The following SUMF1 variants were observed in gnomAD, a reference collection of about 807,000 sequenced individuals.
SUMF1 encodes the protein formylglycine-generating enzyme.
A neutral mutation model predicts 47.6 loss-of-function variants in SUMF1; 48 were observed. The observed-to-expected ratio is 1.01, with a 90% confidence interval of 0.80 to 1.28. The LOEUF is 1.28. SUMF1 is among the 50% of genes most tolerant of loss of function. The pLI is 0.00. For missense variants in SUMF1, 571 were observed against 485.4 expected (o/e 1.18, Z -1.66); for synonymous variants, 230 against 192.1 (o/e 1.20, Z -1.63).
chr3:4,170,763 C>A (rs115667607), intron 8 of SUMF1, among the ~76,000 whole-genome samples: 2,808 of 152,186 alleles, frequency 0.018, 78 homozygotes, highest in African/African-American at 0.064. Context: ...GATGATGGAA[C>A]AGTTGGATAT....
chr3:4,042,848 C>T (rs1694933900), intron 9 of SUMF1, among the ~76,000 whole-genome samples: 3 of 152,078 alleles, frequency 2.0e-5, no homozygotes, highest in Admixed American at 6.6e-5. Flanking sequence ...AGGCTATTTG[C>T]TTAAAGTCCC....
intron 8 of SUMF1, among the ~76,000 whole-genome samples, chr3:4,272,325 A>G (rs758965625): frequency 3.2e-4 from 48 of 152,204 alleles, no homozygotes; most frequent in Admixed American, 5.2e-4. Context: ...GGTTCCAACA[A>G]GGGCTTTAAT....
intron 8 of SUMF1, among the ~76,000 whole-genome samples, chr3:4,235,193 C>G (rs1326259905): frequency 6.6e-6 from 1 of 152,032 alleles, no homozygotes; most frequent in Non-Finnish European, 1.5e-5. Flanking sequence ...AAAGCATCAA[C>G]AGAACTTTAT....
In SUMF1 at chr3:4,152,883, AT is replaced by A. The variant is rs1185625637; in HGVS notation, c.1015-84139del. On this transcript the variant is annotated intron_variant and NMD_transcript_variant, in intron 8 of 12. Transcript: ENST00000448413. Reference sequence around the variant, plus strand: ...GACTCATGGATAGACAGAAGAAAACATTTTCAGAATACCTTATACATCCCTA... The same window carrying A: ...GACTCATGGATAGACAGAAGAAAACATTTCAGAATACCTTATACATCCCTA... Among the ~76,000 whole-genome samples, 5 of 151,470 alleles carry A rather than the reference AT, an allele frequency of 3.3e-5. No homozygotes were observed. The East Asian group carries it at 5.8e-4, about 18-fold the overall frequency.
intron 1 of SUMF1, among the ~76,000 whole-genome samples, chr3:4,466,042 A>G (rs555827099): frequency 1.9e-4 from 29 of 152,376 alleles, no homozygotes; most frequent in South Asian, 4.1e-4. Context: ...CTTTAGACCC[A>G]TAAGTTGTTT....
chr3:4,456,637 T>C (rs374298268), intron 1 of SUMF1, among the ~76,000 whole-genome samples: 1 of 126,706 alleles, frequency 7.9e-6, no homozygotes, highest in Non-Finnish European at 1.7e-5. Flanking sequence ...TATATATACG[T>C]GTATATATAT....
At chr3:4,424,641 GAATAC>G (rs1407159658) in intron 3 of SUMF1, among the ~76,000 whole-genome samples, 1 of 152,072 alleles carries the variant, frequency 6.6e-6, no homozygotes, top group Non-Finnish European at 1.5e-5. Flanking sequence ...ATGAAAAAAG[GAATAC>G]TATACGGCTA....
intron 8 of SUMF1, among the ~76,000 whole-genome samples, chr3:4,151,374 T>C (rs917674327): frequency 1.4e-5 from 2 of 146,516 alleles, no homozygotes; most frequent in Non-Finnish European, 3.0e-5. Context: ...TATATATACA[T>C]GTGTGTATAT....
intron 8 of SUMF1, among the ~76,000 whole-genome samples, chr3:4,338,640 G>A (rs369067375): frequency 1.6e-4 from 25 of 152,164 alleles, no homozygotes; most frequent in African/African-American, 6.0e-4. Flanking sequence ...CATTCTCAAA[G>A]AATTCATGGT....
At chr3:4,261,810 A>T (rs755553263) in intron 8 of SUMF1, among the ~76,000 whole-genome samples, 1 of 152,154 alleles carries the variant, frequency 6.6e-6, no homozygotes, top group Non-Finnish European at 1.5e-5. Context: ...AGGCCCCACA[A>T]CTAGTGCCTG....
chr3:4,422,966 G>A (rs566084211), intron 3 of SUMF1, among the ~76,000 whole-genome samples: 18 of 152,096 alleles, frequency 1.2e-4, no homozygotes, highest in South Asian at 1.0e-3. Context: ...CCCAAAGTCC[G>A]TTGTGCCATT....
chr3:4,264,952 T>C (rs1697158813), intron 8 of SUMF1, among the ~76,000 whole-genome samples: 2 of 151,870 alleles, frequency 1.3e-5, no homozygotes, highest in African/African-American at 4.8e-5. Context: ...TGGCCAACAT[T>C]GTGAGACCCT....
chr3:4,277,497 TAAG>T (rs764503598), intron 8 of SUMF1, among the ~76,000 whole-genome samples: 1 of 151,658 alleles, frequency 6.6e-6, no homozygotes, highest in African/African-American at 2.4e-5. Context: ...CCAGACCTAA[TAAG>T]AAGAACAGAG....
In SUMF1 at chr3:4,452,914, A is replaced by G; in HGVS notation, c.406T>C (p.Phe136Leu). The G allele has an allele frequency of 6.2e-7, 1 of 1,614,206 alleles. No homozygotes were observed. Among genetic ancestry groups the G allele is most frequent in the Non-Finnish European group, 8.5e-7 (1 of 1,180,040 alleles). ...MDAYEVSNTE[F>L]EKFVNSTGYL... The stretch of plus-strand genomic sequence containing the variant: ...CCAGTTGAGTTCACAAACTTCTCAA[A>G]TTCAGTATTACTGACTTCATAGGCA... The change falls in exon 2 of 9, where the codon TTT becomes CTT. Residue 136 changes from phenylalanine to leucine, a missense_variant. Phe to Leu is a conservative substitution (Grantham distance 22). Coordinates refer to ENST00000272902, the MANE Select transcript of SUMF1 (RefSeq NM_182760.4).
intron 2 of SUMF1, among the ~76,000 whole-genome samples, chr3:4,451,468 G>A (rs1194574377): frequency 6.6e-6 from 1 of 152,108 alleles, no homozygotes; most frequent in Non-Finnish European, 1.5e-5. Context: ...TAAAAGTAAT[G>A]ACAAAAACCG....
chr3:4,165,319 C>T (rs1330613797), intron 8 of SUMF1, among the ~76,000 whole-genome samples: 3 of 152,090 alleles, frequency 2.0e-5, no homozygotes, highest in East Asian at 3.8e-4. Flanking sequence ...GAGAAGGGGA[C>T]ATATACCCGG....
chr3:4,458,330 G>C (rs993216363), intron 1 of SUMF1, among the ~76,000 whole-genome samples: 1 of 152,120 alleles, frequency 6.6e-6, no homozygotes, highest in African/African-American at 2.4e-5. Context: ...AGGTTCCTCA[G>C]AAATCTGCAA....
At chr3:4,346,454 G>T (rs1369922627) in intron 8 of SUMF1, among the ~76,000 whole-genome samples, 1 of 152,132 alleles carries the variant, frequency 6.6e-6, no homozygotes, top group Non-Finnish European at 1.5e-5. Context: ...AATTAAGGCA[G>T]ATATCAGGAA....
At chr3:4,163,177 C>G (rs1694617960) in intron 8 of SUMF1, among the ~76,000 whole-genome samples, 1 of 151,720 alleles carries the variant, frequency 6.6e-6, no homozygotes, top group Non-Finnish European at 1.5e-5. Context: ...CCACTCTTCT[C>G]CCGGTAGACT....
Sources: allele counts gnomAD v4.1 joint callset (sites outside exome capture counted in the v4.1 genomes callset), GRCh38; gene constraint gnomAD v4.1.1; transcripts MANE v1.5; gene names NCBI Gene and HGNC (gene_info 2026-07-23, HGNC 2026-07-21).